The following CERS6 variants were observed in gnomAD, a reference collection of about 807,000 sequenced individuals.
CERS6 encodes the protein LAG1 homolog, ceramide synthase 6.
CERS6 carries 26 observed loss-of-function variants against 56.8 expected under a neutral mutation model. That is an observed-to-expected ratio of 0.46 (90% CI 0.34 to 0.63). The LOEUF (loss-of-function observed/expected upper bound fraction) is 0.63, where lower values mean the gene tolerates loss of function less well. Ranked by LOEUF, CERS6 falls within the 30% of genes least tolerant of loss-of-function variation. The probability of loss-of-function intolerance (pLI) is 0.01; values close to 1 mark genes in which losing one functional copy is unlikely to be tolerated. For missense variants in CERS6, 415 were observed against 467.5 expected (o/e 0.89, Z 1.04); for synonymous variants, 164 against 173.3 (o/e 0.95, Z 0.42).
chr2:168,566,876 A>G (rs1574070276), intron 3 of CERS6, among the ~76,000 whole-genome samples: 1 of 151,118 alleles, frequency 6.6e-6, no homozygotes, highest in Middle Eastern at 3.5e-3. Flanking sequence ...AAGTTTTGCC[A>G]GAGAGAAAAT....
chr2:168,656,638 G>C (rs1305350422), intron 4 of CERS6, among the ~76,000 whole-genome samples: 1 of 152,154 alleles, frequency 6.6e-6, no homozygotes, highest in African/African-American at 2.4e-5. Context: ...TCTTCGCGGT[G>C]AGTGTCACAG....
chr2:168,658,341 G>A (rs990933510), intron 4 of CERS6, among the ~76,000 whole-genome samples: 1 of 152,174 alleles, frequency 6.6e-6, no homozygotes, highest in African/African-American at 2.4e-5. Context: ...AAATTTTGAG[G>A]CCTCTGTTGC....
At chr2:168,582,424 CT>C (rs1683436578) in intron 3 of CERS6, among the ~76,000 whole-genome samples, 1 of 152,054 alleles carries the variant, frequency 6.6e-6, no homozygotes, top group African/African-American at 2.4e-5. Flanking sequence ...ATCTTGTCAC[CT>C]CTGATGCTTT....
At chr2:168,655,059 TTTAAAAGTGGGCA>T (rs1469377184) in intron 4 of CERS6, among the ~76,000 whole-genome samples, 1 of 152,132 alleles carries the variant, frequency 6.6e-6, no homozygotes, top group Non-Finnish European at 1.5e-5. Flanking sequence ...TAGCCTGATT[TTTAAAAGTGGGCA>T]AAGGACCTGA....
chr2:168,544,513 G>T (rs1181858639), intron 1 of CERS6, among the ~76,000 whole-genome samples: 1 of 152,158 alleles, frequency 6.6e-6, no homozygotes, highest in Non-Finnish European at 1.5e-5. Flanking sequence ...GGAGAGGGAT[G>T]CACCTGTTAC....
chr2:168,743,091 G>A (rs1383368007), intron 8 of CERS6, among the ~76,000 whole-genome samples: 2 of 151,898 alleles, frequency 1.3e-5, no homozygotes, highest in African/African-American at 4.8e-5. Flanking sequence ...ACTTGGGGCC[G>A]ACCCTAACAC....
intron 4 of CERS6, among the ~76,000 whole-genome samples, chr2:168,641,259 A>ATT (rs10622907): frequency 0.93 from 141,918 of 151,862 alleles, 66,616 homozygotes; most frequent in Non-Finnish European, 0.98. Flanking sequence ...CGGAAATGTC[A>ATT]TTTTTTTAGA....
chr2:168,737,989 T>C (rs1683767977), intron 8 of CERS6, among the ~76,000 whole-genome samples: 1 of 152,130 alleles, frequency 6.6e-6, no homozygotes, highest in African/African-American at 2.4e-5. Flanking sequence ...TAGAGAGAGG[T>C]ATAGATGCAA....
intron 1 of CERS6, among the ~76,000 whole-genome samples, chr2:168,477,214 A>AGT (rs1190932737): frequency 7.3e-6 from 1 of 136,804 alleles, no homozygotes; most frequent in African/African-American, 3.0e-5. Flanking sequence ...AGAGAGAGAG[A>AGT]GAGAGTCTCA....
chr2:168,540,727 G>A (rs2105368483), intron 1 of CERS6, among the ~76,000 whole-genome samples: 1 of 152,308 alleles, frequency 6.6e-6, no homozygotes, highest in African/African-American at 2.4e-5. Flanking sequence ...GATGAGAAGA[G>A]CATTGTATTT....
chr2:168,546,484 C>G (rs1359160574), intron 1 of CERS6, among the ~76,000 whole-genome samples: 1 of 152,172 alleles, frequency 6.6e-6, no homozygotes, highest in East Asian at 1.9e-4. Flanking sequence ...TTCACTTTTA[C>G]TTGAAATAGG....
chr2:168,554,106 A>C (rs983158401), intron 2 of CERS6, among the ~76,000 whole-genome samples: 2 of 152,174 alleles, frequency 1.3e-5, no homozygotes, highest in Non-Finnish European at 2.9e-5. Context: ...ATTATTAGAG[A>C]TGGAAAAGAA....
Position 168,774,519 on chromosome 2 carries a change from C to T in CERS6, c.*4857C>T, listed in dbSNP as rs1411972237. The stretch of plus-strand genomic sequence containing the variant: ...TGGCCTGGAAACCAGGGAGCAGCAA[C>T]TATTGAGATGGTTTCTGTGTTCAGT... On this transcript the variant is annotated 3_prime_UTR_variant, in exon 10 of 10. Coordinates refer to ENST00000305747, the MANE Select transcript of CERS6 (RefSeq NM_203463.3). 6.6e-6 allele frequency: 1 copy of T among 152,024 alleles called. No individual in the cohort carries two copies. The highest frequency in any genetic ancestry group is 1.5e-5 in the Non-Finnish European group (1 of 67,994). 9.4% of individuals were successfully genotyped at this position (152,024 alleles called of 1,614,324 possible). A position where few individuals can be genotyped will look rare whatever the true frequency, so the allele number is the denominator to read the frequency against.
At chr2:168,694,590 A>G (rs1289189765) in intron 5 of CERS6, among the ~76,000 whole-genome samples, 1 of 152,086 alleles carries the variant, frequency 6.6e-6, no homozygotes, top group Non-Finnish European at 1.5e-5. Flanking sequence ...TTGTCCCTAT[A>G]CTTGCAGCAG....
intron 3 of CERS6, among the ~76,000 whole-genome samples, chr2:168,572,941 A>G (rs1696017654): frequency 6.6e-6 from 1 of 152,184 alleles, no homozygotes; most frequent in Non-Finnish European, 1.5e-5. Flanking sequence ...GTGAATCTCT[A>G]GGGACTAGAG....
chr2:168,733,579 T>C (rs1335997922), intron 8 of CERS6, among the ~76,000 whole-genome samples: 1 of 152,234 alleles, frequency 6.6e-6, no homozygotes, highest in East Asian at 1.9e-4. Context: ...CAGTAAGGTA[T>C]GTCAGTTACT....
chr2:168,769,615 G>A lies in CERS6; in HGVS notation c.1108G>A (p.Gly370Ser). The stretch of plus-strand genomic sequence containing the variant: ...TGCGACAACCACCAATGGGACCAGT[G>A]GTACCAACGGGTATCTCCTGACTGG... ...HTATTTNGTS[G>S]TNGYLLTGSC... Residue 370 changes from glycine to serine, a missense_variant, in exon 10 of 10, where the codon GGT (glycine) becomes AGT (serine). Physicochemically the swap from Gly to Ser is moderately conservative, Grantham distance 56 (BLOSUM62 0). Coordinates refer to ENST00000305747, the MANE Select transcript of CERS6 (RefSeq NM_203463.3). 1 of 1,612,208 alleles carries A rather than the reference G, an allele frequency of 6.2e-7. No individual in the cohort carries two copies. Among genetic ancestry groups the A allele is most frequent in the East Asian group, 2.2e-5 (1 of 44,800 alleles).
At chr2:168,599,259 A>G (rs1311420945) in intron 3 of CERS6, among the ~76,000 whole-genome samples, 3 of 152,128 alleles carry the variant, frequency 2.0e-5, no homozygotes, top group African/African-American at 4.8e-5. Flanking sequence ...TCTCCCCCCA[A>G]TCCTCTCACA....
chr2:168,725,656 T>C (rs1335007731), intron 8 of CERS6, among the ~76,000 whole-genome samples: 1 of 152,220 alleles, frequency 6.6e-6, no homozygotes, highest in Non-Finnish European at 1.5e-5. Flanking sequence ...TCATATACTT[T>C]TAAAGATTTG....
Sources: gnomAD v4.1 joint callset for allele counts (sites outside exome capture counted in the v4.1 genomes callset) on GRCh38, gnomAD v4.1.1 for gene constraint, MANE v1.5 for transcripts, NCBI Gene and HGNC (gene_info 2026-07-23, HGNC 2026-07-21) for gene names.